Variants in TESK2 observed in about 807,000 individuals in gnomAD.
TESK2 encodes the protein testis associated actin remodelling kinase 2.
Under a neutral mutation model 57.1 loss-of-function variants are expected in TESK2, and 39 were observed. The ratio of observed to expected loss-of-function variants is 0.68; its 90% CI spans 0.53 to 0.89. The LOEUF is 0.89. Ranked by LOEUF, TESK2 falls within the 40% of genes least tolerant of loss-of-function variation. The pLI is 0.00. For synonymous variants in TESK2, 249 were observed against 267.9 expected (o/e 0.93, Z 0.69); for missense variants, 646 against 732.1 (o/e 0.88, Z 1.36).
chr1:45,413,708 G>A (rs954228740), intron 3 of TESK2: 6 of 332,026 alleles, frequency 1.8e-5, no homozygotes, highest in Non-Finnish European at 3.0e-5. Flanking sequence ...CTGACTAGAT[G>A]AAGCCAAGAG....
intron 1 of TESK2, among the ~76,000 whole-genome samples, chr1:45,487,857 C>T (rs1653545913): frequency 6.6e-6 from 1 of 152,066 alleles, no homozygotes; most frequent in Non-Finnish European, 1.5e-5. Flanking sequence ...GCTCCTGGGC[C>T]CCATTACAAA....
intron 3 of TESK2, among the ~76,000 whole-genome samples, chr1:45,386,345 C>CA (rs11314981): frequency 0.013 from 600 of 45,770 alleles, 6 homozygotes; most frequent in Middle Eastern, 0.045. Flanking sequence ...GACTTTGACT[C>CA]AAAAAAAAAA....
intron 3 of TESK2, among the ~76,000 whole-genome samples, chr1:45,386,345 C>CAA (rs11314981): frequency 1.8e-3 from 82 of 45,720 alleles, no homozygotes; most frequent in South Asian, 3.0e-3. Flanking sequence ...GACTTTGACT[C>CAA]AAAAAAAAAA....
intron 2 of TESK2, among the ~76,000 whole-genome samples, chr1:45,424,000 G>A (rs576755141): frequency 5.1e-4 from 78 of 152,148 alleles, no homozygotes; most frequent in Non-Finnish European, 9.3e-4. Flanking sequence ...GAATGAGGCA[G>A]TAGAAAAATC....
At chr1:45,447,097 G>C (rs1193274536) in intron 2 of TESK2, among the ~76,000 whole-genome samples, 1 of 152,048 alleles carries the variant, frequency 6.6e-6, no homozygotes, top group Admixed American at 6.6e-5. Context: ...TATGCTAGTA[G>C]TCCCAGATAC....
chr1:45,395,322 G>A (rs766343566), intron 3 of TESK2, among the ~76,000 whole-genome samples: 12 of 152,146 alleles, frequency 7.9e-5, no homozygotes, highest in Non-Finnish European at 1.6e-4. Context: ...TAGGCTACAA[G>A]CCTGTACAGC....
intron 1 of TESK2, among the ~76,000 whole-genome samples, chr1:45,490,221 C>T (rs892765286): frequency 6.6e-6 from 1 of 152,166 alleles, no homozygotes; most frequent in Non-Finnish European, 1.5e-5. Context: ...TCAGCAAGTT[C>T]TTCTCAGAGG....
intron 5 of TESK2, among the ~76,000 whole-genome samples, chr1:45,351,138 G>A (rs1041500279): frequency 3.3e-5 from 5 of 152,384 alleles, no homozygotes; most frequent in African/African-American, 7.2e-5. Flanking sequence ...CAGTTGGGCA[G>A]TAATGGTATT....
At chr1:45,489,606 G>A (rs1408170983) in intron 1 of TESK2, among the ~76,000 whole-genome samples, 2 of 152,116 alleles carry the variant, frequency 1.3e-5, no homozygotes, top group Non-Finnish European at 2.9e-5. Flanking sequence ...CCTGGCCAAC[G>A]TGGGGAAACC....
intron 3 of TESK2, chr1:45,414,902 G>A (rs576921471): frequency 7.6e-4 from 318 of 419,776 alleles, no homozygotes; most frequent in African/African-American, 2.7e-3. Flanking sequence ...GTAGAAAACC[G>A]TTGAATCTAT....
intron 1 of TESK2, among the ~76,000 whole-genome samples, chr1:45,476,661 C>T (rs1453514598): frequency 6.6e-6 from 1 of 151,218 alleles, no homozygotes; most frequent in Non-Finnish European, 1.5e-5. Flanking sequence ...TCCTGGCTAA[C>T]ACGGTGAAAC....
intron 2 of TESK2, among the ~76,000 whole-genome samples, chr1:45,433,998 A>G (rs1651085088): frequency 6.6e-6 from 1 of 150,694 alleles, no homozygotes; most frequent in Non-Finnish European, 1.5e-5. Context: ...TGTTGTTGTT[A>G]TTGTTGTTGT....
In TESK2 at chr1:45,382,578, T is replaced by G. The variant is rs77398047; in HGVS notation, c.393+3334A>C. 5.7e-4 allele frequency among the ~76,000 whole-genome samples: 87 copies of G among 152,178 alleles called. No individual in the cohort carries two copies. In the East Asian group the frequency reaches 0.014, roughly 24 times the overall value. On this transcript the variant is annotated intron_variant, in intron 4 of 10. Transcript: ENST00000372086. ...AACAAATACTAGTTTGCTTAAAAAC[T>G]TGAGTCAGCTGGCCGGGCGCGGTGG...
intron 3 of TESK2, among the ~76,000 whole-genome samples, chr1:45,395,609 C>CTTTTTTTTTT: frequency 7.5e-6 from 1 of 132,574 alleles, no homozygotes; most frequent in South Asian, 2.3e-4. Context: ...CTTTTCTTTT[C>CTTTTTTTTTT]TTTTTTTTTT....
At chr1:45,356,508 G>A (rs996480053) in intron 4 of TESK2, among the ~76,000 whole-genome samples, 4 of 151,694 alleles carry the variant, frequency 2.6e-5, no homozygotes, top group African/African-American at 9.7e-5. Context: ...CACACATGTA[G>A]TCCTAGCTAC....
chr1:45,425,474 G>A (rs1268740203), intron 2 of TESK2, among the ~76,000 whole-genome samples: 2 of 152,016 alleles, frequency 1.3e-5, no homozygotes, highest in Non-Finnish European at 1.5e-5. Context: ...GCAACATAGT[G>A]AGACACTATC....
At chr1:45,385,015 T>C (rs1468740724) in intron 4 of TESK2, among the ~76,000 whole-genome samples, 1 of 152,132 alleles carries the variant, frequency 6.6e-6, no homozygotes, top group African/African-American at 2.4e-5. Flanking sequence ...TAATACCAGT[T>C]ACCAAGCCAG....
chr1:45,386,013 T>C, intron 3 of TESK2, 53 bp from the exon 4 acceptor site: 1 of 1,420,286 alleles, frequency 7.0e-7, no homozygotes, highest in Non-Finnish European at 9.9e-7. Context: ...AAATATAAAT[T>C]CATATAGAGA....
intron 3 of TESK2, among the ~76,000 whole-genome samples, chr1:45,408,187 G>T (rs1052316807): frequency 3.9e-5 from 6 of 152,096 alleles, no homozygotes; most frequent in African/African-American, 1.2e-4. Flanking sequence ...CTCATGAGAG[G>T]CAAATTTTTT....
Sources: gnomAD v4.1 joint callset for allele counts (sites outside exome capture counted in the v4.1 genomes callset) on GRCh38, gnomAD v4.1.1 for gene constraint, MANE v1.5 for transcripts, NCBI Gene and HGNC (gene_info 2026-07-23, HGNC 2026-07-21) for gene names.